Variants in MCUB observed in about 807,000 individuals in gnomAD.
MCUB encodes the protein mitochondrial calcium uniporter dominant negative subunit beta, also known as calcium uniporter regulatory subunit MCUb, mitochondrial.
In MCUB, 46 loss-of-function variants were observed where a neutral mutation model predicts 41.4. The observed-to-expected ratio is 1.11, with a 90% CI of 0.88 to 1.42. The LOEUF is 1.42. Ranked by LOEUF, MCUB falls within the 40% of genes most tolerant of loss-of-function variation. MCUB has a pLI of 0.00. For missense variants in MCUB, 403 were observed against 404.9 expected (o/e 1.00, Z 0.04); for synonymous variants, 148 against 148.2 (o/e 1.00, Z 0.01).
chr4:109,616,770 A>G lies in MCUB; in HGVS notation c.100-42241A>G, dbSNP rs144488022. ...GCATGTTTGTATATAATATGTTTTT[A>G]AAAACATGTACTAAAGTCAAAAGTA... On this transcript the variant is annotated intron_variant, in intron 1 of 7. Coordinates refer to ENST00000394650, the MANE Select transcript of MCUB (RefSeq NM_017918.5). 3.7e-3 allele frequency among the ~76,000 whole-genome samples: 557 copies of G among 152,308 alleles called. 7 individuals are homozygous for G. The highest frequency in any genetic ancestry group is 0.014 in the East Asian group (75 of 5,178).
intron 1 of MCUB, among the ~76,000 whole-genome samples, chr4:109,618,492 A>G (rs1243489789): frequency 6.6e-6 from 1 of 152,172 alleles, no homozygotes; most frequent in Non-Finnish European, 1.5e-5. Flanking sequence ...AAGTTACTAC[A>G]CCCAAATCCT....
rs540213568 is a variant in MCUB, at chr4:109,602,129, A to G, written c.99+41693A>G. Among the ~76,000 whole-genome samples the G allele has an allele frequency of 4.7e-4, 72 of 152,254 alleles. 2 individuals carry two copies. In the South Asian group the frequency reaches 0.01, roughly 22 times the overall value. The stretch of plus-strand genomic sequence containing the variant: ...ATTCTGGTTATTAATCCCTTGTCAG[A>G]TGGGTAGTTTACAGATATTTTCTGC... On this transcript the variant is annotated intron_variant, in intron 1 of 7. Coordinates refer to ENST00000394650, the MANE Select transcript of MCUB (RefSeq NM_017918.5).
chr4:109,636,991 A>T (rs1381844275), intron 1 of MCUB, among the ~76,000 whole-genome samples: 3 of 152,146 alleles, frequency 2.0e-5, no homozygotes, highest in Non-Finnish European at 4.4e-5. Context: ...GGCAGAAGCC[A>T]GATTGCAATG....
At chr4:109,657,218 C>CA (rs56707630) in intron 1 of MCUB, among the ~76,000 whole-genome samples, 2,510 of 111,260 alleles carry the variant, frequency 0.023, 55 homozygotes, top group African/African-American at 0.05. Context: ...TATTCCATCT[C>CA]AAAAAAAAAA....
chr4:109,682,105 C>A (rs1325352711), intron 4 of MCUB, among the ~76,000 whole-genome samples: 1 of 152,088 alleles, frequency 6.6e-6, no homozygotes, highest in Non-Finnish European at 1.5e-5. Flanking sequence ...TTGCAAGCCC[C>A]GTGTTTAAAG....
At chr4:109,575,701 C>T (rs1695882989) in intron 1 of MCUB, among the ~76,000 whole-genome samples, 1 of 152,146 alleles carries the variant, frequency 6.6e-6, no homozygotes, top group South Asian at 2.1e-4. Flanking sequence ...CTTAATGTAT[C>T]TTTCACACTA....
chr4:109,658,660 T>C lies in MCUB; in HGVS notation c.100-351T>C, dbSNP rs140230908. ...TCTGGGGACCACATATTGAGAAGCA[T>C]GTCTCTAGACTAGATATACTTATGT... On this transcript the variant is annotated intron_variant, in intron 1 of 7. Coordinates refer to ENST00000394650, the MANE Select transcript of MCUB (RefSeq NM_017918.5). Among the ~76,000 whole-genome samples the C allele has an allele frequency of 3.3e-5, 5 of 152,310 alleles. No homozygotes were observed. In the East Asian group the frequency reaches 7.7e-4, roughly 24 times the overall value.
chr4:109,628,059 G>C lies in MCUB; in HGVS notation c.100-30952G>C, dbSNP rs929179995. On this transcript the variant is annotated intron_variant, in intron 1 of 7. Transcript: ENST00000394650. ...AGATGTTAGAACAGGAGGGGTATAG[G>C]ACAAAGAGTCCTGGGGCAGGAGCAA... 2.0e-5 allele frequency among the ~76,000 whole-genome samples: 3 copies of C among 152,256 alleles called. No homozygotes were observed. The South Asian group carries it at 6.2e-4, about 32-fold the overall frequency.
At chr4:109,610,946 G>A (rs1264133994) in intron 1 of MCUB, among the ~76,000 whole-genome samples, 1 of 152,190 alleles carries the variant, frequency 6.6e-6, no homozygotes, top group African/African-American at 2.4e-5. Context: ...GGCCTGTGAT[G>A]AGAATCAATG....
rs565747716 is a variant in MCUB, at chr4:109,655,207, G to T, written c.100-3804G>T. 2.0e-5 allele frequency among the ~76,000 whole-genome samples: 3 copies of T among 152,342 alleles called. No homozygotes were observed. The South Asian group carries it at 6.2e-4, about 32-fold the overall frequency. ...AGATACATAAAGCAAGGTACAGTTT[G>T]TGTGAACATAGTTTTCACTGTTGGG... On this transcript the variant is annotated intron_variant, in intron 1 of 7. Coordinates refer to ENST00000394650, the MANE Select transcript of MCUB (RefSeq NM_017918.5).
At chr4:109,630,638 A>G (rs1728455204) in intron 1 of MCUB, among the ~76,000 whole-genome samples, 1 of 151,966 alleles carries the variant, frequency 6.6e-6, no homozygotes, top group African/African-American at 2.4e-5. Context: ...CTGGAGTGCA[A>G]TGGCATGATC....
chr4:109,637,714 C>T (rs1045996318), intron 1 of MCUB, among the ~76,000 whole-genome samples: 1 of 152,116 alleles, frequency 6.6e-6, no homozygotes, highest in Non-Finnish European at 1.5e-5. Context: ...TACCCAAAGG[C>T]GTAAGAATGA....
At chr4:109,656,683 TC>T (rs1484747531) in intron 1 of MCUB, among the ~76,000 whole-genome samples, 1 of 152,122 alleles carries the variant, frequency 6.6e-6, no homozygotes, top group African/African-American at 2.4e-5. Context: ...CTCCCTACCT[TC>T]GTGTATTTGA....
chr4:109,577,385 C>T (rs1727055232), intron 1 of MCUB, among the ~76,000 whole-genome samples: 1 of 152,144 alleles, frequency 6.6e-6, no homozygotes, highest in African/African-American at 2.4e-5. Flanking sequence ...TAATGCTTAG[C>T]ATGTGCCATA....
chr4:109,682,472 C>A, intron 4 of MCUB, 110 bp from the exon 5 acceptor site: 1 of 850,516 alleles, frequency 1.2e-6, no homozygotes, highest in Non-Finnish European at 1.9e-6. Flanking sequence ...AGCTTCCTTA[C>A]CCTGTGGATC....
At chr4:109,654,119 T>G (rs1000274581) in intron 1 of MCUB, among the ~76,000 whole-genome samples, 3 of 14,416 alleles carry the variant, frequency 2.1e-4, no homozygotes, top group African/African-American at 2.1e-3. Flanking sequence ...AATGTGTTGT[T>G]TTTTTTTTCT....
chr4:109,591,552 T>C (rs1727437454), intron 1 of MCUB, among the ~76,000 whole-genome samples: 1 of 152,140 alleles, frequency 6.6e-6, no homozygotes, highest in African/African-American at 2.4e-5. Flanking sequence ...AAGACCTCTT[T>C]CAGTAGACTT....
chr4:109,571,876 G>T (rs1726923833), intron 1 of MCUB, among the ~76,000 whole-genome samples: 1 of 152,220 alleles, frequency 6.6e-6, no homozygotes, highest in African/African-American at 2.4e-5. Context: ...GTCACATTTA[G>T]CTTCAAGAAG....
At chr4:109,585,817 G>T (rs185527162) in intron 1 of MCUB, among the ~76,000 whole-genome samples, 100 of 152,254 alleles carry the variant, frequency 6.6e-4, no homozygotes, top group Non-Finnish European at 1.2e-3. Flanking sequence ...CCGAGAGATC[G>T]GCTGTTAGTC....
Sources: gnomAD v4.1 joint callset for allele counts (sites outside exome capture counted in the v4.1 genomes callset) on GRCh38, gnomAD v4.1.1 for gene constraint, MANE v1.5 for transcripts, NCBI Gene and HGNC (gene_info 2026-07-23, HGNC 2026-07-21) for gene names.